Variants in INPP4B observed in about 807,000 individuals in gnomAD.
The protein encoded by INPP4B is inositol polyphosphate 4-phosphatase type II.
INPP4B carries 55 observed loss-of-function variants against 122.5 expected under a neutral mutation model. The observed-to-expected ratio is 0.45, with a 90% CI of 0.36 to 0.56. INPP4B has a LOEUF of 0.56. INPP4B is among the 20% of genes least tolerant of loss of function. The pLI is 0.00. For synonymous variants in INPP4B, 403 were observed against 388.7 expected, an observed-to-expected ratio of 1.04 and a Z score of -0.43; for missense variants, 1,000 against 1,097.7, an observed-to-expected ratio of 0.91 and a Z score of 1.26.
chr4:142,835,898 G>C (rs1332569336), intron 1 of INPP4B, among the ~76,000 whole-genome samples: 1 of 152,152 alleles, frequency 6.6e-6, no homozygotes, highest in Non-Finnish European at 1.5e-5. Flanking sequence ...AGGACCATGA[G>C]ACACCATTAG....
chr4:142,498,844 A>G (rs190363586), intron 2 of INPP4B, among the ~76,000 whole-genome samples: 24 of 152,266 alleles, frequency 1.6e-4, no homozygotes, highest in Non-Finnish European at 2.9e-4. Flanking sequence ...ATAAATAATT[A>G]ATTGATTAAA....
intron 2 of INPP4B, among the ~76,000 whole-genome samples, chr4:142,464,470 T>C (rs1223670296): frequency 6.6e-6 from 1 of 152,130 alleles, no homozygotes; most frequent in Non-Finnish European, 1.5e-5. Flanking sequence ...TTGTTTACAA[T>C]ATAAGCAGGT....
At chr4:142,051,934 C>G (rs560404795) in intron 25 of INPP4B, among the ~76,000 whole-genome samples, 1 of 152,080 alleles carries the variant, frequency 6.6e-6, no homozygotes, top group South Asian at 2.1e-4. Context: ...GGTCCAGAAC[C>G]TCTCATTACA....
At chr4:142,080,817 T>C (rs1165725894) in intron 25 of INPP4B, among the ~76,000 whole-genome samples, 1 of 152,174 alleles carries the variant, frequency 6.6e-6, no homozygotes, top group Non-Finnish European at 1.5e-5. Flanking sequence ...AGCACCTTTG[T>C]TCCATCTATA....
At chr4:142,816,681 T>C (rs1460724203) in intron 1 of INPP4B, among the ~76,000 whole-genome samples, 2 of 152,144 alleles carry the variant, frequency 1.3e-5, no homozygotes, top group Non-Finnish European at 2.9e-5. Context: ...TATACATATA[T>C]ATATACATAC....
At chr4:142,382,567 ATATAT>A (rs2148872014) in intron 7 of INPP4B, among the ~76,000 whole-genome samples, 1 of 110,436 alleles carries the variant, frequency 9.1e-6, no homozygotes, top group Admixed American at 8.3e-5. Context: ...ATTTATGTTT[ATATAT>A]TATATATTAT....
intron 2 of INPP4B, among the ~76,000 whole-genome samples, chr4:142,681,004 G>A (rs942441421): frequency 6.6e-6 from 1 of 151,778 alleles, no homozygotes; most frequent in South Asian, 2.1e-4. Context: ...ATTCTCTTGA[G>A]GAAACCCCTT....
chr4:142,489,063 G>A (rs1821537925), intron 2 of INPP4B, among the ~76,000 whole-genome samples: 1 of 151,974 alleles, frequency 6.6e-6, no homozygotes, highest in African/African-American at 2.4e-5. Flanking sequence ...GTTAATTTTT[G>A]TTTAGATTGA....
At chr4:142,806,950 A>G (rs1180921971) in intron 1 of INPP4B, among the ~76,000 whole-genome samples, 3 of 152,134 alleles carry the variant, frequency 2.0e-5, no homozygotes, top group Non-Finnish European at 4.4e-5. Context: ...ATTTCCAAGG[A>G]CTGCCATTCT....
At chr4:142,470,196 G>A (rs950806931) in intron 2 of INPP4B, among the ~76,000 whole-genome samples, 31 of 151,828 alleles carry the variant, frequency 2.0e-4, no homozygotes, top group African/African-American at 7.2e-4. Flanking sequence ...AAAAATAGGA[G>A]CAGATATAAA....
At position 142,023,951 on chromosome 4, in the gene INPP4B, T is replaced by A. The variant is rs1736244373; in HGVS notation, c.*4831A>T. On this transcript the variant is annotated 3_prime_UTR_variant, in exon 26 of 26. Transcript: ENST00000262992. Reference sequence around the variant, plus strand: ...GATAGCTAAATTCATTACATTTTTTTTTTTGCTTATATTACCTTACTATTT... The same window carrying A: ...GATAGCTAAATTCATTACATTTTTTATTTTGCTTATATTACCTTACTATTT... 1 of 152,056 alleles carries A rather than the reference T, an allele frequency of 6.6e-6. No homozygotes were observed. The highest frequency in any genetic ancestry group is 6.6e-5 in the Admixed American group (1 of 15,260). 9.4% of individuals were successfully genotyped at this position (152,056 alleles called of 1,614,324 possible). A position where few individuals can be genotyped will look rare whatever the true frequency, so the allele number is the denominator to read the frequency against.
rs70949166 is a variant in INPP4B, at chr4:142,399,189, CTTTTTTTTTT to C, written c.372+3739_372+3748del. ...CTTTTCCTTTCTAAATTTCCTTTTG[CTTTTTTTTTT>C]TTTTTTTTTTTTTTTTGAGTCGGAG... is the stretch of plus-strand genomic sequence containing the variant. On this transcript the variant is annotated intron_variant, in intron 7 of 25. Transcript: ENST00000262992. Among the ~76,000 whole-genome samples the C allele has an allele frequency of 1.1e-4, 6 of 56,990 alleles. 2 individuals are homozygous for C. The East Asian group carries it at 3.4e-3, about 33-fold the overall frequency. The allele number at this position is 56,990 out of a possible 152,430, so 37.4% of individuals were successfully genotyped here.
At chr4:142,814,036 A>T (rs1779828627) in intron 1 of INPP4B, among the ~76,000 whole-genome samples, 1 of 152,290 alleles carries the variant, frequency 6.6e-6, no homozygotes, top group African/African-American at 2.4e-5. Context: ...GACTGACTGG[A>T]GAGTGCTTAC....
intron 2 of INPP4B, among the ~76,000 whole-genome samples, chr4:142,505,563 A>G (rs1030968591): frequency 4.7e-5 from 7 of 149,910 alleles, no homozygotes; most frequent in Admixed American, 3.4e-4. Context: ...AAAATGCAAC[A>G]ATGTAATTAA....
intron 5 of INPP4B, among the ~76,000 whole-genome samples, chr4:142,408,259 GA>G (rs3076601): frequency 2.2e-4 from 32 of 148,614 alleles, no homozygotes; most frequent in Middle Eastern, 3.4e-3. Flanking sequence ...CTGTTTTCAG[GA>G]AAAAAAAAAA....
intron 2 of INPP4B, among the ~76,000 whole-genome samples, chr4:142,513,285 G>A (rs1224277331): frequency 1.3e-5 from 2 of 152,158 alleles, no homozygotes. Context: ...ACTTCTCACA[G>A]TTCTGGGGTG....
At chr4:142,510,477 A>G (rs1380608083) in intron 2 of INPP4B, among the ~76,000 whole-genome samples, 1 of 152,184 alleles carries the variant, frequency 6.6e-6, no homozygotes, top group African/African-American at 2.4e-5. Flanking sequence ...CATTGATCTC[A>G]TTTTATTTGG....
At chr4:142,359,340 T>C (rs932237313) in intron 7 of INPP4B, among the ~76,000 whole-genome samples, 1 of 152,008 alleles carries the variant, frequency 6.6e-6, no homozygotes, top group African/African-American at 2.4e-5. Context: ...GGTTTCCTTC[T>C]TGTAAAAATA....
chr4:142,145,401 T>A (rs1185858689), intron 18 of INPP4B, among the ~76,000 whole-genome samples: 2 of 152,130 alleles, frequency 1.3e-5, no homozygotes, highest in African/African-American at 4.8e-5. Context: ...ACACAAATAT[T>A]TCTCAGAATA....
Sources: allele counts gnomAD v4.1 joint callset (sites outside exome capture counted in the v4.1 genomes callset), GRCh38; gene constraint gnomAD v4.1.1; transcripts MANE v1.5; gene names NCBI Gene and HGNC (gene_info 2026-07-23, HGNC 2026-07-21).